FBN1: variants seen among roughly 807,000 people sequenced by gnomAD.
The protein encoded by FBN1 is fibrillin-1.
FBN1 carries 29 observed loss-of-function variants against 365.1 expected under a neutral mutation model. The ratio of observed to expected loss-of-function variants is 0.08; its 90% CI spans 0.06 to 0.11. FBN1 has a LOEUF of 0.11. Ranked by LOEUF, FBN1 falls within the 10% of genes least tolerant of loss-of-function variation. The probability of loss-of-function intolerance (pLI) is 1.00; values close to 1 mark genes in which losing one functional copy is unlikely to be tolerated. For missense variants in FBN1, 2,476 were observed against 3,703.2 expected (o/e 0.67, Z 8.60); for synonymous variants, 1,210 against 1,270.5 (o/e 0.95, Z 1.01).
intron 16 of FBN1, 53 bp from the exon 17 acceptor site, chr15:48,503,992 C>A (rs1180496999): frequency 3.1e-6 from 5 of 1,606,438 alleles, no homozygotes; most frequent in Non-Finnish European, 4.3e-6. Flanking sequence ...CAGATGAGAA[C>A]CCCCCAAGTC....
chr15:48,467,206 T>A (rs1198907538), intron 38 of FBN1, among the ~76,000 whole-genome samples: 1 of 152,220 alleles, frequency 6.6e-6, no homozygotes. Context: ...TTGCCTACTA[T>A]GCTGTATTCT....
intron 8 of FBN1, among the ~76,000 whole-genome samples, chr15:48,528,541 A>C (rs2043937370): frequency 6.6e-6 from 1 of 152,188 alleles, no homozygotes; most frequent in Non-Finnish European, 1.5e-5. Flanking sequence ...TCAAACCTGA[A>C]ATAAGAGCAA....
chr15:48,483,685 T>G, intron 31 of FBN1, 133 bp downstream of exon 31: 1 of 974,602 alleles, frequency 1.0e-6, no homozygotes, highest in Non-Finnish European at 1.6e-6. Flanking sequence ...GGTTAAAATA[T>G]GAGTATTGTG....
intron 38 of FBN1, among the ~76,000 whole-genome samples, chr15:48,466,975 G>C (rs1403282547): frequency 6.6e-6 from 1 of 152,046 alleles, no homozygotes. Flanking sequence ...AGCCAGCTGA[G>C]CACTCACCCC....
chr15:48,554,476 T>C (rs2044164938), intron 6 of FBN1, among the ~76,000 whole-genome samples: 1 of 152,192 alleles, frequency 6.6e-6, no homozygotes, highest in African/African-American at 2.4e-5. Flanking sequence ...ATATATTCAC[T>C]GTAAACCATG....
intron 63 of FBN1, among the ~76,000 whole-genome samples, chr15:48,417,448 T>TTTCCTTCCTTCCTTCCTTCCTTCC (rs112725437): frequency 2.4e-4 from 22 of 91,552 alleles, no homozygotes; most frequent in East Asian, 1.7e-3. Context: ...CCCTCCCTCC[T>TTTCCTTCCTTCCTTCCTTCCTTCC]TTCCTTCCTT....
At chr15:48,448,619 G>A (rs1193491123) in intron 46 of FBN1, 149 bp downstream of exon 46, 2 of 673,594 alleles carry the variant, frequency 3.0e-6, no homozygotes, top group African/African-American at 3.6e-5. Flanking sequence ...AGATTAAATA[G>A]GATATCACTG....
intron 2 of FBN1, among the ~76,000 whole-genome samples, chr15:48,613,976 A>G (rs1006187143): frequency 1.3e-5 from 2 of 152,204 alleles, no homozygotes; most frequent in African/African-American, 4.8e-5. Flanking sequence ...GTTACAAGAA[A>G]ATAAAATCAG....
chr15:48,421,565 G>A lies in FBN1; in HGVS notation c.7692C>T (p.Ser2564=), dbSNP rs1443133742. 6.2e-7 allele frequency: 1 copy of A among 1,612,596 alleles called. No homozygotes were observed. Among genetic ancestry groups the A allele is most frequent in the Non-Finnish European group, 8.5e-7 (1 of 1,179,720 alleles). ...GCTGAAGTCTCCACCCACCTTCACA[G>A]CTGGAGCCGGTCTGATCAAGTGAGA... ...RGFSLDQTGS[S]CEDVDECEGN... Residue 2564 remains serine (S), a synonymous_variant, in exon 62 of 66, where the codon AGC becomes AGT. Coordinates refer to ENST00000316623, the MANE Select transcript of FBN1 (RefSeq NM_000138.5).
chr15:48,489,550 T>C (rs2043538085), intron 25 of FBN1, among the ~76,000 whole-genome samples: 1 of 152,108 alleles, frequency 6.6e-6, no homozygotes, highest in South Asian at 2.1e-4. Flanking sequence ...CAGCAATGAA[T>C]TACCATAGCT....
At position 48,495,205 on chromosome 15, in the gene FBN1, G is replaced by A. The variant is rs760420637; in HGVS notation, c.2595C>T (p.Asn865=). ...QTVIDGRCEI[N]INGATLKSQC... is the part of the protein sequence containing the mutation. ...GGGACTTTAAGGTGGCTCCATTGAT[G>A]TTGATCTCACATCGCCCATCAATGA... is the stretch of plus-strand genomic sequence containing the variant. Residue 865 remains asparagine, a synonymous_variant, in exon 22 of 66, where the codon AAC becomes AAT. Coordinates refer to ENST00000316623, the MANE Select transcript of FBN1 (RefSeq NM_000138.5). 1.2e-6 allele frequency: 2 copies of A among 1,614,186 alleles called. No homozygotes were observed. The highest frequency in any genetic ancestry group is 1.7e-6 in the Non-Finnish European group (2 of 1,180,050).
chr15:48,512,814 CTTAAT>C (rs766895803), intron 13 of FBN1, among the ~76,000 whole-genome samples: 4 of 151,108 alleles, frequency 2.6e-5, no homozygotes, highest in Non-Finnish European at 4.4e-5. Context: ...TCATTTTGTG[CTTAAT>C]TTAGAGATAG....
intron 55 of FBN1, among the ~76,000 whole-genome samples, chr15:48,431,217 T>A (rs2043020879): frequency 6.6e-6 from 1 of 151,844 alleles, no homozygotes; most frequent in African/African-American, 2.4e-5. Context: ...CATACCTCAG[T>A]CTCCCAAGTA....
chr15:48,613,470 C>T (rs534901230), intron 2 of FBN1, among the ~76,000 whole-genome samples: 1 of 152,280 alleles, frequency 6.6e-6, no homozygotes, highest in South Asian at 2.1e-4. Context: ...TAAGACTTCA[C>T]ATTTCTACAC....
intron 2 of FBN1, among the ~76,000 whole-genome samples, chr15:48,615,606 A>G (rs1889636905): frequency 2.6e-5 from 4 of 152,244 alleles, no homozygotes; most frequent in Admixed American, 2.6e-4. Context: ...AATGGGACAG[A>G]TGACATAACT....
chr15:48,577,618 T>C (rs1411209504), intron 6 of FBN1, among the ~76,000 whole-genome samples: 1 of 152,178 alleles, frequency 6.6e-6, no homozygotes, highest in Non-Finnish European at 1.5e-5. Flanking sequence ...CAGACTGGCC[T>C]CTTAAATAAA....
chr15:48,551,594 G>A (rs374539505), intron 6 of FBN1, among the ~76,000 whole-genome samples: 1 of 151,362 alleles, frequency 6.6e-6, no homozygotes, highest in African/African-American at 2.4e-5. Context: ...AAGGGGGTTC[G>A]TTGTGCAGAT....
intron 8 of FBN1, among the ~76,000 whole-genome samples, chr15:48,532,500 A>ATGTGTGTGTGTGTGTG (rs1566921224): frequency 4.7e-5 from 5 of 107,174 alleles, no homozygotes; most frequent in East Asian, 3.5e-4. Context: ...GTATATATAT[A>ATGTGTGTGTGTGTGTG]TGTGTATGTG....
At chr15:48,498,497 T>C (rs1208128856) in intron 18 of FBN1, among the ~76,000 whole-genome samples, 1 of 152,234 alleles carries the variant, frequency 6.6e-6, no homozygotes, top group Non-Finnish European at 1.5e-5. Flanking sequence ...AATATTTCTC[T>C]AGCTAAATAT....
Sources: gnomAD v4.1 joint callset for allele counts (sites outside exome capture counted in the v4.1 genomes callset) on GRCh38, gnomAD v4.1.1 for gene constraint, MANE v1.5 for transcripts, NCBI Gene and HGNC (gene_info 2026-07-23, HGNC 2026-07-21) for gene names.